Variants in CLNK observed in about 807,000 individuals in gnomAD.
CLNK encodes the protein cytokine dependent hematopoietic cell linker, also known as cytokine-dependent hematopoietic cell linker.
A neutral mutation model predicts 68.6 loss-of-function variants in CLNK; 74 were observed. The observed-to-expected ratio is 1.08, with a 90% CI of 0.89 to 1.31. The LOEUF is 1.31. Among genes scored for constraint, CLNK ranks in the 50% most tolerant of loss-of-function variants. CLNK has a pLI of 0.00. For missense variants in CLNK, 553 were observed against 515.3 expected, an observed-to-expected ratio of 1.07 and a Z score of -0.71; for synonymous variants, 198 against 172.2, an observed-to-expected ratio of 1.15 and a Z score of -1.17.
intron 2 of CLNK, among the ~76,000 whole-genome samples, chr4:10,629,650 G>A (rs925317677): frequency 6.6e-6 from 1 of 152,116 alleles, no homozygotes. Context: ...AGACCACATG[G>A]TGAGGTCAGC....
intron 15 of CLNK, among the ~76,000 whole-genome samples, chr4:10,514,850 A>G (rs1431186877): frequency 2.0e-5 from 3 of 152,158 alleles, no homozygotes; most frequent in African/African-American, 4.8e-5. Flanking sequence ...GCAACCTGCT[A>G]CTCATCTGAC....
At chr4:10,644,959 G>A (rs1723454395) in intron 2 of CLNK, among the ~76,000 whole-genome samples, 1 of 152,196 alleles carries the variant, frequency 6.6e-6, no homozygotes, top group East Asian at 1.9e-4. Flanking sequence ...AGATCTCAAG[G>A]CTTAGAAGAT....
intron 2 of CLNK, among the ~76,000 whole-genome samples, chr4:10,650,669 G>C (rs1475278977): frequency 2.6e-5 from 4 of 151,928 alleles, no homozygotes; most frequent in South Asian, 2.1e-4. Context: ...GAAAATAAAG[G>C]CTTTTTTAGC....
chr4:10,547,482 C>CT (rs947531268), intron 8 of CLNK, among the ~76,000 whole-genome samples: 6 of 152,062 alleles, frequency 3.9e-5, no homozygotes, highest in African/African-American at 1.2e-4. Context: ...ATTTTATTTT[C>CT]TTTTTTTGGT....
chr4:10,539,506 G>C (rs1718932026), intron 11 of CLNK, among the ~76,000 whole-genome samples: 1 of 152,164 alleles, frequency 6.6e-6, no homozygotes. Flanking sequence ...AAAAATAAGA[G>C]AGCATCCTTC....
At chr4:10,574,019 G>A (rs939665344) in intron 4 of CLNK, among the ~76,000 whole-genome samples, 1 of 152,162 alleles carries the variant, frequency 6.6e-6, no homozygotes, top group African/African-American at 2.4e-5. Flanking sequence ...AATACGAATA[G>A]GCAGGATCTG....
chr4:10,722,816 G>C, the CLNK span, among the ~76,000 whole-genome samples: 1 of 152,186 alleles, frequency 6.6e-6, no homozygotes. Context: ...TTGGGAGGCC[G>C]AGGCGGGTGG....
chr4:10,544,201 C>T (rs146221439), intron 8 of CLNK, among the ~76,000 whole-genome samples: 200 of 152,228 alleles, frequency 1.3e-3, no homozygotes, highest in African/African-American at 4.7e-3. Context: ...AGACTGAGTT[C>T]CTGTAATTTA....
intron 14 of CLNK, chr4:10,524,093 G>GGAT: frequency 5.0e-6 from 1 of 199,338 alleles, no homozygotes; most frequent in Non-Finnish European, 1.1e-5. Flanking sequence ...GAGAAGAGGA[G>GGAT]GAGGAGGAGG....
intron 2 of CLNK, among the ~76,000 whole-genome samples, chr4:10,609,465 GT>G (rs1721923592): frequency 2.0e-5 from 3 of 152,126 alleles, no homozygotes; most frequent in Admixed American, 2.0e-4. Flanking sequence ...TCAGACTTTG[GT>G]TTTCAGTGAC....
intron 14 of CLNK, among the ~76,000 whole-genome samples, chr4:10,524,788 T>C (rs996415065): frequency 4.0e-5 from 6 of 151,872 alleles, no homozygotes; most frequent in African/African-American, 7.3e-5. Flanking sequence ...AGTGTTCCAA[T>C]AGGGAGAGGG....
chr4:10,641,056 G>T (rs973093726), intron 2 of CLNK, among the ~76,000 whole-genome samples: 1 of 152,218 alleles, frequency 6.6e-6, no homozygotes, highest in Admixed American at 6.5e-5. Flanking sequence ...CAGAATGTAG[G>T]ATTTTTGCCT....
intron 4 of CLNK, among the ~76,000 whole-genome samples, chr4:10,578,561 G>T (rs1720657864): frequency 7.3e-6 from 1 of 136,234 alleles, no homozygotes; most frequent in Non-Finnish European, 1.6e-5. Flanking sequence ...GACTTCTCTT[G>T]GACTTGGCTT....
the CLNK span, among the ~76,000 whole-genome samples, chr4:10,721,638 T>G: frequency 2.0e-5 from 3 of 152,214 alleles, no homozygotes; most frequent in East Asian, 3.8e-4. Flanking sequence ...TTTCATACAT[T>G]CATTCATTTA....
chr4:10,526,958 T>A (rs1281223335), intron 13 of CLNK, among the ~76,000 whole-genome samples: 2 of 152,210 alleles, frequency 1.3e-5, no homozygotes, highest in East Asian at 1.9e-4. Flanking sequence ...GGCACCAACA[T>A]GTTTTAATTG....
the CLNK span, among the ~76,000 whole-genome samples, chr4:10,711,409 T>C: frequency 6.6e-6 from 1 of 152,192 alleles, no homozygotes; most frequent in African/African-American, 2.4e-5. Flanking sequence ...GAACATTCTC[T>C]TCCAAGAATA....
chr4:10,643,051 C>T (rs1429806063), intron 2 of CLNK, among the ~76,000 whole-genome samples: 3 of 152,140 alleles, frequency 2.0e-5, no homozygotes, highest in Non-Finnish European at 2.9e-5. Context: ...ATACTTAAAA[C>T]CGTGCGGTTC....
chr4:10,717,938 A>G, the CLNK span, among the ~76,000 whole-genome samples: 39 of 152,368 alleles, frequency 2.6e-4, no homozygotes, highest in Non-Finnish European at 3.5e-4. Context: ...AAATGCTTCA[A>G]TGAGCAATTA....
intron 2 of CLNK, among the ~76,000 whole-genome samples, chr4:10,631,209 A>T (rs1352825267): frequency 6.6e-6 from 1 of 152,162 alleles, no homozygotes; most frequent in Non-Finnish European, 1.5e-5. Flanking sequence ...GCAGAGTCTG[A>T]GTGACTGCTG....
Sources: allele counts gnomAD v4.1 joint callset (sites outside exome capture counted in the v4.1 genomes callset), GRCh38; gene constraint gnomAD v4.1.1; transcripts MANE v1.5; gene names NCBI Gene and HGNC (gene_info 2026-07-23, HGNC 2026-07-21).